The following ZNF782 variants were observed in gnomAD, a reference collection of about 807,000 sequenced individuals.
ZNF782 encodes zinc finger protein 782.
In ZNF782, 12 loss-of-function variants were observed where a neutral mutation model predicts 13.0. That is an observed-to-expected ratio of 0.92 (90% CI 0.59 to 1.50). ZNF782 has a LOEUF of 1.50. Ranked by LOEUF, ZNF782 falls within the 40% of genes most tolerant of loss-of-function variation. The pLI, the probability that ZNF782 is intolerant of heterozygous loss-of-function variation, is 0.00. For missense variants in ZNF782, 770 were observed against 822.9 expected (o/e 0.94, Z 0.79); for synonymous variants, 284 against 283.0 (o/e 1.00, Z -0.04).
chr9:96,847,237 C>T (rs1851366077), intron 3 of ZNF782, among the ~76,000 whole-genome samples: 1 of 152,032 alleles, frequency 6.6e-6, no homozygotes, highest in African/African-American at 2.4e-5. Context: ...CCTGAAAGAG[C>T]ACAAATTGAC....
At chr9:96,820,300 C>T (rs1850368068) in intron 5 of ZNF782, among the ~76,000 whole-genome samples, 1 of 152,178 alleles carries the variant, frequency 6.6e-6, no homozygotes, top group Non-Finnish European at 1.5e-5. Flanking sequence ...GTTGGAGCTC[C>T]ATTTCCATTC....
chr9:96,852,030 A>C (rs1295297529), intron 2 of ZNF782, 25 bp from the exon 3 acceptor site: 29 of 1,522,244 alleles, frequency 1.9e-5, no homozygotes, highest in Non-Finnish European at 2.5e-5. Context: ...AGAGGATGTC[A>C]CACGGTCTCG....
At chr9:96,855,634 A>T (rs555129384), upstream of ZNF782, among the ~76,000 whole-genome samples, 2 of 152,336 alleles carry the variant, frequency 1.3e-5, no homozygotes, top group South Asian at 4.1e-4. Flanking sequence ...TACATACCAC[A>T]GTTTCTTTAT....
At chr9:96,898,336 A>C in the ZNF782 span, among the ~76,000 whole-genome samples, 1 of 148,124 alleles carries the variant, frequency 6.8e-6, no homozygotes, top group Non-Finnish European at 1.5e-5. Context: ...GGTACCCACC[A>C]ATCTGCTTTG....
chr9:96,880,220 T>C (rs1031243702), upstream of ZNF782, among the ~76,000 whole-genome samples: 1 of 152,186 alleles, frequency 6.6e-6, no homozygotes, highest in Middle Eastern at 3.4e-3. Context: ...TAGACAACCA[T>C]GCAATCTGCA....
chr9:96,921,694 CTA>C, the ZNF782 span, among the ~76,000 whole-genome samples: 1 of 146,152 alleles, frequency 6.8e-6, no homozygotes, highest in Non-Finnish European at 1.5e-5. Flanking sequence ...AACCCCATCT[CTA>C]TTTTTTTTTT....
the ZNF782 span, chr9:96,910,097 A>G: frequency 1.6e-6 from 1 of 629,322 alleles, no homozygotes; most frequent in Non-Finnish European, 3.1e-6. Context: ...AGCTGTAGAC[A>G]CCAGCTCTGA....
At chr9:96,892,771 C>A in the ZNF782 span, 2 of 152,016 alleles carry the variant, frequency 1.3e-5, no homozygotes, top group East Asian at 3.9e-4. Flanking sequence ...TTTTCAAGCA[C>A]CTCTAAGAAA....
At chr9:96,931,820 C>T in the ZNF782 span, 20 of 1,612,230 alleles carry the variant, frequency 1.2e-5, no homozygotes, top group Non-Finnish European at 1.7e-5. Flanking sequence ...CGGCCCAACA[C>T]ACAGGCCGCC....
intron 1 of ZNF782, among the ~76,000 whole-genome samples, chr9:96,853,748 C>T (rs1851574526): frequency 6.6e-6 from 1 of 152,166 alleles, no homozygotes. Flanking sequence ...GTGATATTAG[C>T]GCCTGAAACG....
At position 96,818,472 on chromosome 9, in the gene ZNF782, C is replaced by A. The variant is rs758251261; in HGVS notation, c.1551G>T (p.Leu517=). Reference sequence around the variant, plus strand: ...TATGATGTTTCCTCAGGCCTGACTTCAGTTTGAAAGCTTTCCCACATTCAT... The same window carrying A: ...TATGATGTTTCCTCAGGCCTGACTTAAGTTTGAAAGCTTTCCCACATTCAT... The part of the protein sequence containing the change: ...KCDECGKAFK[L]KSGLRKHHRT... The change falls in exon 6 of 6, where the codon CTG becomes CTT. Residue 517 remains leucine (L), a synonymous_variant. Transcript: ENST00000481138. The A allele has an allele frequency of 7.4e-6, 12 of 1,613,570 alleles. No individual in the cohort carries two copies. In the Admixed American group the frequency reaches 1.8e-4, roughly 25 times the overall value.
chr9:96,840,012 TTGTTGCTGAGTACTGTATA>T (rs1851139508), intron 4 of ZNF782, among the ~76,000 whole-genome samples: 2 of 152,198 alleles, frequency 1.3e-5, no homozygotes, highest in Admixed American at 6.6e-5. Context: ...TATGCAGGTA[TTGTTGCTGAGTACTGTATA>T]TGTTGCTGAG....
intron 4 of ZNF782, among the ~76,000 whole-genome samples, chr9:96,828,386 C>T (rs1850695779): frequency 6.6e-6 from 1 of 152,118 alleles, no homozygotes; most frequent in Non-Finnish European, 1.5e-5. Context: ...AGAAAAGGCT[C>T]AGAAATATGT....
chr9:96,819,493 T>C lies in ZNF782; in HGVS notation c.530A>G (p.Asp177Gly). The C allele has an allele frequency of 6.2e-7, 1 of 1,613,456 alleles. No homozygotes were observed. Among genetic ancestry groups the C allele is most frequent in the Non-Finnish European group, 8.5e-7 (1 of 1,179,856 alleles). ...VCDKWLISIKDGRTNTQEKSF... is the reference protein window; with the variant it reads ...VCDKWLISIKGGRTNTQEKSF... Reference sequence around the variant, plus strand: ...TTTCTCTTGAGTGTTAGTTCTGCCATCCTTAATACTGATGAGCCATTTGTC... The same window carrying C: ...TTTCTCTTGAGTGTTAGTTCTGCCACCCTTAATACTGATGAGCCATTTGTC... Residue 177 changes from aspartate (D) to glycine (G), a missense_variant, in exon 6 of 6, where the codon GAT becomes GGT. Coordinates refer to ENST00000481138, the MANE Select transcript of ZNF782 (RefSeq NM_001001662.3).
At chr9:96,884,766 T>C in the ZNF782 span, among the ~76,000 whole-genome samples, 1 of 152,196 alleles carries the variant, frequency 6.6e-6, no homozygotes, top group East Asian at 1.9e-4. Context: ...TGGAGGAGTC[T>C]ATTAGGAAGC....
At chr9:96,931,960 G>A in the ZNF782 span, 1 of 1,611,814 alleles carries the variant, frequency 6.2e-7, no homozygotes, top group Non-Finnish European at 8.5e-7. Flanking sequence ...TTGTCCAGAT[G>A]AGGACAGAAG....
At chr9:96,933,200 A>T in the ZNF782 span, among the ~76,000 whole-genome samples, 58 of 147,972 alleles carry the variant, frequency 3.9e-4, no homozygotes, top group Non-Finnish European at 7.0e-4. Flanking sequence ...GGATGCTCTC[A>T]ATCTCCTGCC....
chr9:96,931,183 C>T, the ZNF782 span, among the ~76,000 whole-genome samples: 6 of 152,012 alleles, frequency 3.9e-5, no homozygotes, highest in South Asian at 2.1e-4. Flanking sequence ...CCAGCATGCC[C>T]GGCCTATCCA....
intron 3 of ZNF782, among the ~76,000 whole-genome samples, chr9:96,847,542 T>C (rs1349281280): frequency 2.0e-5 from 3 of 152,180 alleles, no homozygotes; most frequent in African/African-American, 7.2e-5. Context: ...AACGCCTTCA[T>C]GTGCACAAAC....
Sources: gnomAD v4.1 joint callset for allele counts (sites outside exome capture counted in the v4.1 genomes callset) on GRCh38, gnomAD v4.1.1 for gene constraint, MANE v1.5 for transcripts, NCBI Gene and HGNC (gene_info 2026-07-23, HGNC 2026-07-21) for gene names.